The following UNC5C variants were observed in gnomAD, a reference collection of about 807,000 sequenced individuals.
UNC5C encodes the protein netrin receptor UNC5C.
In UNC5C, 47 loss-of-function variants were observed where a neutral mutation model predicts 99.8. That is an observed-to-expected ratio of 0.47 (90% CI 0.37 to 0.60). The LOEUF is 0.60. Among genes scored for constraint, UNC5C ranks in the 20% least tolerant of loss-of-function variants. The pLI, the probability that UNC5C is intolerant of heterozygous loss-of-function variation, is 0.00. For synonymous variants in UNC5C, 487 were observed against 452.2 expected (o/e 1.08, Z -0.98); for missense variants, 1,062 against 1,165.9 (o/e 0.91, Z 1.30).
At chr4:95,250,067 A>C (rs908793269) in intron 5 of UNC5C, among the ~76,000 whole-genome samples, 2 of 152,182 alleles carry the variant, frequency 1.3e-5, no homozygotes, top group African/African-American at 4.8e-5. Flanking sequence ...TTATAGAAGC[A>C]GCAGGCACTC....
At chr4:95,429,562 A>G (rs930258471) in intron 1 of UNC5C, among the ~76,000 whole-genome samples, 1 of 152,148 alleles carries the variant, frequency 6.6e-6, no homozygotes, top group African/African-American at 2.4e-5. Flanking sequence ...AAAAGAAGAA[A>G]AAAAATTATT....
intron 1 of UNC5C, among the ~76,000 whole-genome samples, chr4:95,512,750 A>G (rs567443612): frequency 2.2e-4 from 34 of 152,278 alleles, no homozygotes; most frequent in Middle Eastern, 3.4e-3. Flanking sequence ...TTTTTATGCC[A>G]GGTTTATGGA....
Position 95,371,823 on chromosome 4 carries a change from A to C in UNC5C, c.125-36192T>G, listed in dbSNP as rs572369629. On this transcript the variant is annotated intron_variant, in intron 1 of 15. Transcript: ENST00000453304. ...TTAACTCAAATTTTCACCCAATAAA[A>C]CATCTGTTCTCTTCCAAATCATGAC... Among the ~76,000 whole-genome samples the C allele has an allele frequency of 7.6e-4, 115 of 152,254 alleles. 1 individual carries two copies. Among genetic ancestry groups the C allele is most frequent in the Middle Eastern group, 3.4e-3 (1 of 294 alleles).
chr4:95,181,966 T>C (rs1175237898), intron 14 of UNC5C, among the ~76,000 whole-genome samples: 1 of 152,200 alleles, frequency 6.6e-6, no homozygotes, highest in East Asian at 1.9e-4. Context: ...CATTTTCACA[T>C]ATGACAATCT....
At chr4:95,446,664 A>G (rs1181502531) in intron 1 of UNC5C, among the ~76,000 whole-genome samples, 1 of 152,228 alleles carries the variant, frequency 6.6e-6, no homozygotes, top group Non-Finnish European at 1.5e-5. Flanking sequence ...ACTGGCACAC[A>G]ACAGTAAATA....
intron 14 of UNC5C, among the ~76,000 whole-genome samples, chr4:95,174,560 A>C (rs1736257401): frequency 6.6e-6 from 1 of 152,056 alleles, no homozygotes; most frequent in African/African-American, 2.4e-5. Context: ...GTTTTGAGTG[A>C]GATTCTTAAT....
At chr4:95,487,512 ACTG>A (rs1464998062) in intron 1 of UNC5C, among the ~76,000 whole-genome samples, 4 of 101,558 alleles carry the variant, frequency 3.9e-5, no homozygotes, top group Non-Finnish European at 8.0e-5. Flanking sequence ...TCAAAATAAA[ACTG>A]CTTTTTGCCT....
intron 1 of UNC5C, among the ~76,000 whole-genome samples, chr4:95,464,285 GA>G (rs1376768383): frequency 6.6e-6 from 1 of 152,176 alleles, no homozygotes; most frequent in Non-Finnish European, 1.5e-5. Flanking sequence ...GGAGGAGTTG[GA>G]ACAAGAGCAT....
chr4:95,366,938 C>T (rs1744591635), intron 1 of UNC5C, among the ~76,000 whole-genome samples: 1 of 152,130 alleles, frequency 6.6e-6, no homozygotes, highest in African/African-American at 2.4e-5. Context: ...TAAGCCATCA[C>T]AGGAATTTAG....
chr4:95,288,714 G>C (rs1238836106), intron 3 of UNC5C, among the ~76,000 whole-genome samples: 1 of 152,130 alleles, frequency 6.6e-6, no homozygotes, highest in Non-Finnish European at 1.5e-5. Context: ...GCATTCCTTG[G>C]CTTGTGGCTA....
rs777156310 is a variant in UNC5C, at chr4:95,242,512, G to A, written c.1025C>T (p.Ala342Val). 4.3e-6 allele frequency: 7 copies of A among 1,613,436 alleles called. No homozygotes were observed. The highest frequency in any genetic ancestry group is 1.7e-5 in the Admixed American group (1 of 59,966). ...CTHWRRRECT[A>V]PAPKNGGKDC... ...CTTGCCTCCATTCTTGGGGGCTGGC[G>A]CCGTGCACTCCCTCCTGCGCCAGTG... The change falls in exon 7 of 16, where the codon GCG becomes GTG. Residue 342 changes from alanine (A) to valine (V), a missense_variant. Transcript: ENST00000453304.
intron 14 of UNC5C, among the ~76,000 whole-genome samples, chr4:95,178,822 A>G (rs989087487): frequency 1.3e-5 from 2 of 152,282 alleles, no homozygotes; most frequent in African/African-American, 2.4e-5. Context: ...TGAGCTCTCT[A>G]TCCCTGGCTA....
At chr4:95,299,924 C>A (rs1741808364) in intron 3 of UNC5C, among the ~76,000 whole-genome samples, 1 of 152,050 alleles carries the variant, frequency 6.6e-6, no homozygotes, top group African/African-American at 2.4e-5. Flanking sequence ...GGAGGAAGGG[C>A]TGGAATAGAG....
At chr4:95,313,429 A>G (rs992401448) in intron 2 of UNC5C, among the ~76,000 whole-genome samples, 1 of 152,200 alleles carries the variant, frequency 6.6e-6, no homozygotes, top group East Asian at 1.9e-4. Context: ...TTTAATTTTA[A>G]TTATTATTAC....
intron 1 of UNC5C, among the ~76,000 whole-genome samples, chr4:95,525,899 C>A (rs532843841): frequency 6.6e-6 from 1 of 152,170 alleles, no homozygotes; most frequent in South Asian, 2.1e-4. Flanking sequence ...AATTTCTAGG[C>A]TTTTTGAAAA....
Position 95,424,518 on chromosome 4 carries a change from C to CTTTCTTTTTTTTTTTTTTTT in UNC5C, c.125-88888_125-88887insAAAAAAAAAAAAAAAAGAAA, listed in dbSNP as rs1746411107. Among the ~76,000 whole-genome samples, 131 of 67,954 alleles carry CTTTCTTTTTTTTTTTTTTTT rather than the reference C, an allele frequency of 1.9e-3. 6 individuals carry two copies. Among genetic ancestry groups the CTTTCTTTTTTTTTTTTTTTT allele is most frequent in the Middle Eastern group, 0.013 (1 of 76 alleles). The allele number at this position is 67,954 out of a possible 152,430, so 44.6% of individuals were successfully genotyped here. A position where few individuals can be genotyped will look rare whatever the true frequency, so the allele number is the denominator to read the frequency against. On this transcript the variant is annotated intron_variant, in intron 1 of 15. Transcript: ENST00000453304. ...GGCTTCAGAATTTTTTTTTTCTTTT[C>CTTTCTTTTTTTTTTTTTTTT]TTTTTTTTTTTTTTTTTTTTTGAGA...
intron 2 of UNC5C, among the ~76,000 whole-genome samples, chr4:95,311,548 T>C (rs1241441436): frequency 6.6e-6 from 1 of 152,184 alleles, no homozygotes; most frequent in Non-Finnish European, 1.5e-5. Flanking sequence ...TAATACAATT[T>C]TAATAAAATT....
At chr4:95,214,769 A>T (rs1461956341) in intron 10 of UNC5C, among the ~76,000 whole-genome samples, 1 of 152,250 alleles carries the variant, frequency 6.6e-6, no homozygotes, top group Non-Finnish European at 1.5e-5. Context: ...AGATGTACTT[A>T]ATGCTAACCT....
chr4:95,206,501 C>G (rs1737881249), intron 11 of UNC5C, 127 bp downstream of exon 11: 2 of 1,381,074 alleles, frequency 1.4e-6, no homozygotes, highest in Non-Finnish European at 2.0e-6. Context: ...CTGTTTCTCT[C>G]TCATTTTGAG....
Sources: allele counts gnomAD v4.1 joint callset (sites outside exome capture counted in the v4.1 genomes callset), GRCh38; gene constraint gnomAD v4.1.1; transcripts MANE v1.5; gene names NCBI Gene and HGNC (gene_info 2026-07-23, HGNC 2026-07-21).